The following PTPRD variants were observed in gnomAD, a reference collection of about 807,000 sequenced individuals.
PTPRD encodes the protein protein tyrosine phosphatase receptor type D.
Under a neutral mutation model 214.5 loss-of-function variants are expected in PTPRD, and 34 were observed. That is an observed-to-expected ratio of 0.16 (90% CI 0.12 to 0.21). The LOEUF is 0.21. Among genes scored for constraint, PTPRD ranks in the 10% least tolerant of loss-of-function variants. The probability of loss-of-function intolerance (pLI) is 1.00; values close to 1 mark genes in which losing one functional copy is unlikely to be tolerated. For synonymous variants in PTPRD, 1,128 were observed against 845.7 expected (o/e 1.33, Z -5.79); for missense variants, 2,545 against 2,398.7 (o/e 1.06, Z -1.27).
chr9:10,515,276 G>T (rs180763769), intron 2 of PTPRD, among the ~76,000 whole-genome samples: 1 of 152,070 alleles, frequency 6.6e-6, no homozygotes, highest in African/African-American at 2.4e-5. Flanking sequence ...GAAAAGAAGA[G>T]AAATATAAAT....
At chr9:9,588,222 A>G (rs2092311340) in intron 7 of PTPRD, among the ~76,000 whole-genome samples, 2 of 152,060 alleles carry the variant, frequency 1.3e-5, no homozygotes, top group East Asian at 1.9e-4. Context: ...CTTAGTCCTT[A>G]TCGCTCAGCA....
chr9:10,406,837 T>A (rs959841596), intron 2 of PTPRD, among the ~76,000 whole-genome samples: 1 of 151,570 alleles, frequency 6.6e-6, no homozygotes, highest in Non-Finnish European at 1.5e-5. Flanking sequence ...GTTCATAGAG[T>A]CCATTTCAAT....
At chr9:10,082,840 A>ACACAAAC (rs1555566891) in intron 3 of PTPRD, among the ~76,000 whole-genome samples, 1,529 of 128,254 alleles carry the variant, frequency 0.012, 26 homozygotes, top group African/African-American at 0.04. Context: ...CACACACACA[A>ACACAAAC]ACACACACAC....
At chr9:10,546,284 C>T (rs1566861020) in intron 2 of PTPRD, among the ~76,000 whole-genome samples, 1 of 151,882 alleles carries the variant, frequency 6.6e-6, no homozygotes, top group East Asian at 1.9e-4. Flanking sequence ...ATATTAAAGC[C>T]TTGATATGTG....
chr9:9,525,105 C>T (rs1590721418), intron 8 of PTPRD, among the ~76,000 whole-genome samples: 1 of 152,346 alleles, frequency 6.6e-6, no homozygotes, highest in African/African-American at 2.4e-5. Flanking sequence ...GATCCACCCG[C>T]CTCAGCATCC....
chr9:10,547,947 A>G (rs1246138146), intron 2 of PTPRD, among the ~76,000 whole-genome samples: 3 of 152,094 alleles, frequency 2.0e-5, no homozygotes, highest in Non-Finnish European at 4.4e-5. Context: ...CTAAGTTTGT[A>G]ATCAATCATG....
intron 7 of PTPRD, among the ~76,000 whole-genome samples, chr9:9,683,259 C>T (rs2097108026): frequency 6.6e-6 from 1 of 151,554 alleles, no homozygotes; most frequent in South Asian, 2.1e-4. Flanking sequence ...TAGTGGTTCC[C>T]AATTAAAGGA....
chr9:9,150,843 G>A (rs1291427255), intron 10 of PTPRD, among the ~76,000 whole-genome samples: 2 of 152,124 alleles, frequency 1.3e-5, no homozygotes, highest in South Asian at 2.1e-4. Context: ...TTTTGGATGC[G>A]TGTGTTTGAT....
chr9:8,940,280 CTTTTTT>C (rs34342718), intron 11 of PTPRD, among the ~76,000 whole-genome samples: 27 of 89,054 alleles, frequency 3.0e-4, no homozygotes, highest in African/African-American at 1.1e-3. Flanking sequence ...TCTCTCTCTC[CTTTTTT>C]TTTTTTTTTT....
chr9:10,117,539 G>T (rs1057442598), intron 3 of PTPRD, among the ~76,000 whole-genome samples: 4 of 151,746 alleles, frequency 2.6e-5, no homozygotes, highest in African/African-American at 9.7e-5. Flanking sequence ...TTTTTGGTTA[G>T]TTGCAGCAGT....
chr9:10,145,548 C>T (rs966956123), intron 3 of PTPRD, among the ~76,000 whole-genome samples: 3 of 152,080 alleles, frequency 2.0e-5, no homozygotes, highest in African/African-American at 2.4e-5. Context: ...ATATATAGAA[C>T]ATACAAAATA....
intron 31 of PTPRD, among the ~76,000 whole-genome samples, chr9:8,469,303 A>C (rs1383099369): frequency 6.6e-6 from 1 of 152,032 alleles, no homozygotes; most frequent in Non-Finnish European, 1.5e-5. Context: ...ATTACTTACT[A>C]CCAAACGGCT....
At chr9:8,850,833 T>C (rs911372032) in intron 11 of PTPRD, among the ~76,000 whole-genome samples, 12 of 152,210 alleles carry the variant, frequency 7.9e-5, no homozygotes, top group Non-Finnish European at 1.6e-4. Flanking sequence ...TCTACTTGTG[T>C]AGTAAGAAAT....
intron 44 of PTPRD, among the ~76,000 whole-genome samples, chr9:8,328,806 A>C (rs10976955): frequency 0.099 from 15,008 of 151,910 alleles, 854 homozygotes; most frequent in African/African-American, 0.14. Context: ...CCGTTCTTCC[A>C]CTTGATTGAT....
rs1567061820 is a variant in PTPRD, at chr9:8,929,781, G to GTGTATATATA, written c.-104+88915_-104+88916insTATATATACA. Among the ~76,000 whole-genome samples, 12 of 39,986 alleles carry GTGTATATATA rather than the reference G, an allele frequency of 3.0e-4. 1 individual carries two copies. Among genetic ancestry groups the GTGTATATATA allele is most frequent in the East Asian group, 2.1e-3 (1 of 482 alleles). 26.2% of individuals were successfully genotyped at this position (39,986 alleles called of 152,430 possible). A position where few individuals can be genotyped will look rare whatever the true frequency, so the allele number is the denominator to read the frequency against. On this transcript the variant is annotated intron_variant, in intron 11 of 45. Coordinates refer to ENST00000381196, the MANE Select transcript of PTPRD (RefSeq NM_002839.4). ...TGTATATATATGTGTATATATATGG[G>GTGTATATATA]TGTGTATATATGTGTGTGTATATAT...
intron 10 of PTPRD, among the ~76,000 whole-genome samples, chr9:9,029,364 G>C (rs1307273777): frequency 6.6e-6 from 1 of 151,772 alleles, no homozygotes; most frequent in African/African-American, 2.4e-5. Context: ...GGAGGGGCTA[G>C]AGATTAGAAA....
chr9:8,752,460 CA>C (rs972504689), intron 11 of PTPRD, among the ~76,000 whole-genome samples: 1 of 152,202 alleles, frequency 6.6e-6, no homozygotes, highest in Admixed American at 6.5e-5. Context: ...TAAAAATGGG[CA>C]ACCAGCAGCC....
At chr9:9,170,196 A>G (rs1241105361) in intron 10 of PTPRD, among the ~76,000 whole-genome samples, 8 of 152,178 alleles carry the variant, frequency 5.3e-5, no homozygotes, top group Non-Finnish European at 8.8e-5. Context: ...ATTTTAGATC[A>G]TTGTGTTTAG....
chr9:9,198,001 A>G (rs1246736631), intron 9 of PTPRD, among the ~76,000 whole-genome samples: 1 of 152,208 alleles, frequency 6.6e-6, no homozygotes, highest in East Asian at 1.9e-4. Flanking sequence ...GAAAAATAAT[A>G]ATTTCAAATA....
Sources: gnomAD v4.1 joint callset for allele counts (sites outside exome capture counted in the v4.1 genomes callset) on GRCh38, gnomAD v4.1.1 for gene constraint, MANE v1.5 for transcripts, NCBI Gene and HGNC (gene_info 2026-07-23, HGNC 2026-07-21) for gene names.